GPC5: variants seen among roughly 807,000 people sequenced by gnomAD.
GPC5 encodes glypican-5.
In GPC5, 47 loss-of-function variants were observed where a neutral mutation model predicts 53.9. The ratio of observed to expected loss-of-function variants is 0.87; its 90% CI spans 0.69 to 1.11. The LOEUF is 1.11. Among genes scored for constraint, GPC5 ranks in the 50% most tolerant of loss-of-function variants. The pLI, the probability that GPC5 is intolerant of heterozygous loss-of-function variation, is 0.00. For synonymous variants in GPC5, 286 were observed against 263.3 expected, an observed-to-expected ratio of 1.09 and a Z score of -0.84; for missense variants, 748 against 713.1, an observed-to-expected ratio of 1.05 and a Z score of -0.56.
chr13:91,911,924 G>T (rs1407298631), intron 6 of GPC5, among the ~76,000 whole-genome samples: 1 of 152,124 alleles, frequency 6.6e-6, no homozygotes, highest in Non-Finnish European at 1.5e-5. Context: ...AAAAATCAGT[G>T]GTTTTGTTAA....
At chr13:91,454,033 A>G (rs761198565) in intron 2 of GPC5, among the ~76,000 whole-genome samples, 2 of 152,090 alleles carry the variant, frequency 1.3e-5, no homozygotes, top group Admixed American at 6.6e-5. Context: ...ATGGGATTGC[A>G]TTCTTTTCCT....
At chr13:92,678,608 A>AACTC (rs1887021590) in intron 7 of GPC5, among the ~76,000 whole-genome samples, 1 of 152,194 alleles carries the variant, frequency 6.6e-6, no homozygotes, top group African/African-American at 2.4e-5. Flanking sequence ...TACCGTGGAA[A>AACTC]TGGTAGAAGA....
At chr13:92,389,762 GC>G (rs1263026070) in intron 7 of GPC5, among the ~76,000 whole-genome samples, 1 of 152,010 alleles carries the variant, frequency 6.6e-6, no homozygotes, top group Non-Finnish European at 1.5e-5. Flanking sequence ...AGTCAGTGAG[GC>G]CATCAATGTA....
intron 6 of GPC5, among the ~76,000 whole-genome samples, chr13:92,140,472 C>T (rs1480514058): frequency 6.6e-6 from 1 of 152,132 alleles, no homozygotes; most frequent in African/African-American, 2.4e-5. Flanking sequence ...CTCATATAGA[C>T]AAGATTGCCT....
At chr13:92,576,427 C>T (rs906098129) in intron 7 of GPC5, among the ~76,000 whole-genome samples, 15 of 151,918 alleles carry the variant, frequency 9.9e-5, no homozygotes, top group African/African-American at 3.6e-4. Context: ...ATTTTTGTAC[C>T]TTGACACTGC....
intron 6 of GPC5, among the ~76,000 whole-genome samples, chr13:92,055,663 C>T (rs1019250358): frequency 1.3e-5 from 2 of 152,176 alleles, no homozygotes; most frequent in Non-Finnish European, 2.9e-5. Flanking sequence ...TGTTTCCTTC[C>T]CATAGGGGAA....
At chr13:92,291,365 C>G (rs1218821822) in intron 7 of GPC5, among the ~76,000 whole-genome samples, 1 of 152,142 alleles carries the variant, frequency 6.6e-6, no homozygotes, top group Non-Finnish European at 1.5e-5. Flanking sequence ...GTAAGTACAC[C>G]GATCGGCACT....
intron 6 of GPC5, among the ~76,000 whole-genome samples, chr13:92,039,257 T>C (rs1022059006): frequency 6.6e-6 from 1 of 152,208 alleles, no homozygotes; most frequent in African/African-American, 2.4e-5. Context: ...CCGTTTTCTC[T>C]TTTACTGTGT....
chr13:91,961,772 A>G (rs986991876), intron 6 of GPC5, among the ~76,000 whole-genome samples: 1 of 152,084 alleles, frequency 6.6e-6, no homozygotes, highest in Non-Finnish European at 1.5e-5. Flanking sequence ...ACTGAGCCAA[A>G]TAAGTAAAAC....
chr13:91,876,106 T>C (rs527423156), intron 5 of GPC5, among the ~76,000 whole-genome samples: 2 of 152,202 alleles, frequency 1.3e-5, no homozygotes, highest in Non-Finnish European at 2.9e-5. Flanking sequence ...ATGTAAGAAG[T>C]GCCTTTCACC....
intron 6 of GPC5, among the ~76,000 whole-genome samples, chr13:92,100,764 T>A (rs2138911411): frequency 6.6e-6 from 1 of 152,284 alleles, no homozygotes; most frequent in South Asian, 2.1e-4. Context: ...ACCAAGGAGT[T>A]AGAAACTATA....
At chr13:92,301,449 G>C (rs2043074864) in intron 7 of GPC5, among the ~76,000 whole-genome samples, 1 of 152,196 alleles carries the variant, frequency 6.6e-6, no homozygotes, top group African/African-American at 2.4e-5. Flanking sequence ...CTGAAAGTTA[G>C]AGAACTTAGG....
rs539721020 is a variant in GPC5 at position 92,664,521 on chromosome 13, G to A, written c.1562-201761G>A. On this transcript the variant is annotated intron_variant, in intron 7 of 7. Transcript: ENST00000377067. Reference sequence around the variant, plus strand: ...AGTAGGGTAAAAATGAAATCATAGCGTATAGACAACTTACTAAAAATTATT... The same window carrying A: ...AGTAGGGTAAAAATGAAATCATAGCATATAGACAACTTACTAAAAATTATT... Among the ~76,000 whole-genome samples, 24 of 152,094 alleles carry A rather than the reference G, an allele frequency of 1.6e-4. No individual in the cohort carries two copies. The East Asian group carries it at 2.5e-3, about 16-fold the overall frequency.
intron 7 of GPC5, among the ~76,000 whole-genome samples, chr13:92,722,818 A>G (rs1888540951): frequency 6.6e-6 from 1 of 151,834 alleles, no homozygotes; most frequent in Non-Finnish European, 1.5e-5. Context: ...GTATTTTTAT[A>G]TACAAAAAAA....
intron 7 of GPC5, among the ~76,000 whole-genome samples, chr13:92,374,888 A>C (rs2043681804): frequency 6.6e-6 from 1 of 151,962 alleles, no homozygotes; most frequent in South Asian, 2.1e-4. Context: ...AATAAAAAAA[A>C]AAGTAAAATG....
chr13:92,155,472 T>C (rs1434690335), intron 7 of GPC5, among the ~76,000 whole-genome samples: 1 of 152,170 alleles, frequency 6.6e-6, no homozygotes, highest in Non-Finnish European at 1.5e-5. Flanking sequence ...ACTTTTTCAA[T>C]ATGTAATTTT....
At chr13:92,623,099 G>A (rs1884928129) in intron 7 of GPC5, among the ~76,000 whole-genome samples, 1 of 152,018 alleles carries the variant, frequency 6.6e-6, no homozygotes, top group South Asian at 2.1e-4. Flanking sequence ...CTGGGAGGCG[G>A]GGGTTGCAGT....
intron 6 of GPC5, among the ~76,000 whole-genome samples, chr13:91,925,002 G>A (rs1407257884): frequency 1.3e-5 from 2 of 151,958 alleles, no homozygotes; most frequent in South Asian, 2.1e-4. Context: ...TGTACTTTTA[G>A]TAAAGACGAG....
chr13:91,538,910 C>A (rs1232448655), intron 2 of GPC5, among the ~76,000 whole-genome samples: 24 of 150,838 alleles, frequency 1.6e-4, no homozygotes, highest in Admixed American at 1.5e-3. Flanking sequence ...AATTTTTGTC[C>A]TGTAGAGTTG....
Sources: gnomAD v4.1 joint callset for allele counts (sites outside exome capture counted in the v4.1 genomes callset) on GRCh38, gnomAD v4.1.1 for gene constraint, MANE v1.5 for transcripts, NCBI Gene and HGNC (gene_info 2026-07-23, HGNC 2026-07-21) for gene names.